MYO7A: variants seen among roughly 807,000 people sequenced by gnomAD.
The protein encoded by MYO7A is myosin VIIA, also known as unconventional myosin-VIIa.
Under a neutral mutation model 263.8 loss-of-function variants are expected in MYO7A, and 210 were observed. The ratio of observed to expected loss-of-function variants is 0.80; its 90% CI spans 0.71 to 0.89. The LOEUF is 0.89. Ranked by LOEUF, MYO7A falls within the 40% of genes least tolerant of loss-of-function variation. The pLI is 0.00. For missense variants in MYO7A, 2,820 were observed against 2,968.3 expected (o/e 0.95, Z 1.16); for synonymous variants, 1,239 against 1,197.3 (o/e 1.03, Z -0.72).
intron 5 of MYO7A, 135 bp from the exon 6 acceptor site, chr11:77,156,525 C>T (rs1952470775): frequency 1.5e-6 from 2 of 1,307,260 alleles, no homozygotes; most frequent in Non-Finnish European, 2.1e-6. Context: ...AGCCCTGCCC[C>T]AGCCCTGGAG....
rs185748200 is a variant in MYO7A at position 77,213,967 on chromosome 11, C to T, written c.6546C>T (p.Cys2182=). The part of the protein sequence containing the change: ...GNLVRGSKLL[C]ETSLGYKMDD... ...TGGTGCGCGGGAGCAAACTGCTCTG[C>T]GAGACGTCACTGGTGAGGGCGCATC... The change falls in exon 48 of 49, where the codon TGC becomes TGT. Residue 2182 remains cysteine, a synonymous_variant. Coordinates refer to ENST00000409709, the MANE Select transcript of MYO7A (RefSeq NM_000260.4). 342 of 1,614,050 alleles carry T rather than the reference C, an allele frequency of 2.1e-4. 1 individual carries two copies. Among genetic ancestry groups the T allele is most frequent in the African/African-American group, 3.5e-4 (26 of 75,070 alleles).
intron 3 of MYO7A, among the ~76,000 whole-genome samples, chr11:77,144,336 G>GC (rs1218659456): frequency 1.3e-5 from 2 of 152,178 alleles, no homozygotes; most frequent in Admixed American, 1.3e-4. Context: ...CCTGCCCAGA[G>GC]CCCCCAGGGT....
At chr11:77,154,497 G>T (rs903491053) in intron 4 of MYO7A, among the ~76,000 whole-genome samples, 6 of 152,276 alleles carry the variant, frequency 3.9e-5, no homozygotes, top group African/African-American at 1.4e-4. Context: ...CTTTGCTTCT[G>T]CTCTGCACTT....
At position 77,158,341 on chromosome 11, in the gene MYO7A, T is replaced by C. The variant is rs191294730; in HGVS notation, c.914T>C (p.Met305Thr). The C allele has an allele frequency of 5.0e-6, 8 of 1,613,458 alleles. No homozygotes were observed. The Admixed American group carries it at 8.3e-5, about 17-fold the overall frequency. Residue 305 changes from methionine to threonine, a missense_variant, in exon 9 of 49, where the codon ATG becomes ACG. Transcript: ENST00000409709. ...GAGTACGCCAACATCCGCTCCGCCA[T>C]GAAGGTGCTCATGTTCACTGACACC... ...SQEYANIRSA[M>T]KVLMFTDTEN...
At chr11:77,207,501 G>A (rs1031086838) in intron 42 of MYO7A, 99 bp downstream of exon 42, 3 of 913,606 alleles carry the variant, frequency 3.3e-6, no homozygotes, top group Non-Finnish European at 5.3e-6. Context: ...GGAGAGAGGG[G>A]AAGAGGGCAC....
intron 42 of MYO7A, among the ~76,000 whole-genome samples, chr11:77,207,783 T>C (rs1957550484): frequency 6.6e-6 from 1 of 152,232 alleles, no homozygotes; most frequent in Admixed American, 6.5e-5. Flanking sequence ...ATCACATAAC[T>C]AGGGCTCAGA....
chr11:77,142,674 T>C, intron 2 of MYO7A, 35 bp from the exon 3 acceptor site: 1 of 1,563,752 alleles, frequency 6.4e-7, no homozygotes. Flanking sequence ...TCCCCCTCCC[T>C]GCTCACCTGG....
Position 77,192,250 on chromosome 11 carries a change from T to A in MYO7A, c.4124T>A (p.Val1375Asp). 1 of 1,613,636 alleles carries A rather than the reference T, an allele frequency of 6.2e-7. No homozygotes were observed. Among genetic ancestry groups the A allele is most frequent in the Non-Finnish European group, 8.5e-7 (1 of 1,179,844 alleles). The change falls in exon 31 of 49, where the codon GTC (valine) becomes GAC (aspartate). Residue 1375 changes from valine (V) to aspartate (D), a missense_variant. Coordinates refer to ENST00000409709, the MANE Select transcript of MYO7A (RefSeq NM_000260.4). Reference protein sequence around the residue: ...NLIYQQVVRGVKFGEYRCEKE... With the variant: ...NLIYQQVVRGDKFGEYRCEKE... ...ATCTACCAGCAGGTGGTGCGAGGAG[T>A]CAAGTTTGGGGAGTACAGGTGTGAG...
chr11:77,162,197 A>G lies in MYO7A; in HGVS notation c.1421A>G (p.Gln474Arg). 1 of 1,595,930 alleles carries G rather than the reference A, an allele frequency of 6.3e-7. No individual in the cohort carries two copies. Among genetic ancestry groups the G allele is most frequent in the Non-Finnish European group, 8.5e-7 (1 of 1,170,850 alleles). The change falls in exon 13 of 49, where the codon CAG becomes CGG. Residue 474 changes from glutamine (Q) to arginine (R), a missense_variant. Coordinates refer to ENST00000409709, the MANE Select transcript of MYO7A (RefSeq NM_000260.4). ...GTGCGGCACGTGTTCAAGCTGGAGCAGGAGGAATATGACCTGGAGAGCATT... is the reference window on the plus strand; with the variant it reads ...GTGCGGCACGTGTTCAAGCTGGAGCGGGAGGAATATGACCTGGAGAGCATT... ...FFVRHVFKLE[Q>R]EEYDLESIDW...
In MYO7A at chr11:77,179,102, T is replaced by C; in HGVS notation, c.2340T>C (p.Gly780=). 1 of 1,599,522 alleles carries C rather than the reference T, an allele frequency of 6.3e-7. No homozygotes were observed. The highest frequency in any genetic ancestry group is 8.5e-7 in the Non-Finnish European group (1 of 1,173,102). Residue 780 remains glycine, a synonymous_variant, in exon 20 of 49, where the codon GGT becomes GGC. Transcript: ENST00000409709. ...AATLIQRHWR[G]HNCRKNYGLM... ...CACTGATCCAGAGGCACTGGCGGGG[T>C]CACAACTGTAGGAAGAACTACGGGC...
chr11:77,163,267 C>T lies in MYO7A; in HGVS notation c.1690+279C>T, dbSNP rs182889044. Among the ~76,000 whole-genome samples, 369 of 152,200 alleles carry T rather than the reference C, an allele frequency of 2.4e-3. 4 individuals carry two copies. Among genetic ancestry groups the T allele is most frequent in the Admixed American group, 0.023 (348 of 15,286 alleles). On this transcript the variant is annotated intron_variant, in intron 14 of 48. Transcript: ENST00000409709. The stretch of plus-strand genomic sequence containing the variant: ...CATGGGGCAGTAACTCCTTCCCCTA[C>T]CCCCGGCCCCCTGTAACCTGTGTTC...
chr11:77,193,931 T>G (rs1956437564), intron 31 of MYO7A: 1 of 446,254 alleles, frequency 2.2e-6, no homozygotes, highest in African/African-American at 2.0e-5. Context: ...GTGATGCACT[T>G]CCCTCACTCT....
chr11:77,200,406 G>A (rs1227213258), intron 35 of MYO7A, among the ~76,000 whole-genome samples: 1 of 152,186 alleles, frequency 6.6e-6, no homozygotes, highest in East Asian at 1.9e-4. Context: ...AGAGCAGGGG[G>A]TGCCAGGCTC....
At chr11:77,214,356 G>A (rs1202028189) in intron 48 of MYO7A, among the ~76,000 whole-genome samples, 2 of 152,228 alleles carry the variant, frequency 1.3e-5, no homozygotes, top group Non-Finnish European at 2.9e-5. Flanking sequence ...ACTCTTGGAG[G>A]GAGGGATCCG....
At chr11:77,175,224 C>T (rs1954529644) in intron 17 of MYO7A, 148 bp from the exon 18 acceptor site, 1 of 734,710 alleles carries the variant, frequency 1.4e-6, no homozygotes, top group East Asian at 2.6e-5. Flanking sequence ...AAAACTGGGG[C>T]TCAGAGAAGG....
chr11:77,162,785 A>T (rs1332545742), intron 13 of MYO7A, 68 bp from the exon 14 acceptor site: 1 of 1,571,638 alleles, frequency 6.4e-7, no homozygotes, highest in Non-Finnish European at 8.7e-7. Context: ...GGGCAAAGAC[A>T]TGGGCAGGGA....
At chr11:77,186,470 A>G (rs1268878483) in intron 27 of MYO7A, among the ~76,000 whole-genome samples, 3 of 152,166 alleles carry the variant, frequency 2.0e-5, no homozygotes, top group Non-Finnish European at 2.9e-5. Flanking sequence ...TTCTAGCTAG[A>G]CCTTCTGGAA....
Position 77,182,415 on chromosome 11 carries a change from C to T in MYO7A, c.3109-9C>T. The T allele has an allele frequency of 6.2e-7, 1 of 1,609,606 alleles. No individual in the cohort carries two copies. Among genetic ancestry groups the T allele is most frequent in the Non-Finnish European group, 8.5e-7 (1 of 1,177,858 alleles). ...CGCTCTGGCCTCTGACATGCGCGCT[C>T]TGCCCCAGGCAGCCCTGGCGGTCTG... On this transcript the variant is annotated splice_polypyrimidine_tract_variant and intron_variant, in intron 24 of 48. Coordinates refer to ENST00000409709, the MANE Select transcript of MYO7A (RefSeq NM_000260.4).
At position 77,202,297 on chromosome 11, in the gene MYO7A, T is replaced by G; in HGVS notation, c.5044-3T>G. On this transcript the variant is annotated splice_region_variant and splice_polypyrimidine_tract_variant and intron_variant, in intron 36 of 48. Transcript: ENST00000409709. ...CCTGAGCCCCCTGTCTCTTGGTCCC[T>G]AGGCCCTGGTCACCATGACTCCCGA... is the stretch of plus-strand genomic sequence containing the variant. 1 of 1,584,362 alleles carries G rather than the reference T, an allele frequency of 6.3e-7. No homozygotes were observed. Among genetic ancestry groups the G allele is most frequent in the Non-Finnish European group, 8.6e-7 (1 of 1,164,324 alleles).
Sources: gnomAD v4.1 joint callset for allele counts (sites outside exome capture counted in the v4.1 genomes callset) on GRCh38, gnomAD v4.1.1 for gene constraint, MANE v1.5 for transcripts, NCBI Gene and HGNC (gene_info 2026-07-23, HGNC 2026-07-21) for gene names.